PLEKHH2: variants seen among roughly 807,000 people sequenced by gnomAD.
The protein encoded by PLEKHH2 is pleckstrin homology, MyTH4 and FERM domain containing H2.
Under a neutral mutation model 187.9 loss-of-function variants are expected in PLEKHH2, and 129 were observed. That is an observed-to-expected ratio of 0.69 (90% confidence interval 0.59 to 0.79). The LOEUF (loss-of-function observed/expected upper bound fraction) is 0.79, where lower values mean the gene tolerates loss of function less well. PLEKHH2 is among the 30% of genes least tolerant of loss of function. The pLI, the probability that PLEKHH2 is intolerant of heterozygous loss-of-function variation, is 0.00. For synonymous variants in PLEKHH2, 686 were observed against 605.6 expected (o/e 1.13, Z -1.95); for missense variants, 2,076 against 1,751.2 (o/e 1.19, Z -3.31).
Position 43,726,398 on chromosome 2 carries a change from C to T in PLEKHH2, c.2668C>T (p.His890Tyr), listed in dbSNP as rs375282661. 1.4e-5 allele frequency: 23 copies of T among 1,611,536 alleles called. No individual in the cohort carries two copies. In the African/African-American group the frequency reaches 3.1e-4, roughly 22 times the overall value. ...ATCCACACATTATACTATCGTTATC[C>T]ATCCCAAAGACCAAGGTCCAACTTA... is the stretch of plus-strand genomic sequence containing the variant. The part of the protein sequence containing the change: ...LLSTHYTIVI[H>Y]PKDQGPTYLL... Residue 890 changes from histidine to tyrosine, a missense_variant, in exon 17 of 30, where the codon CAT becomes TAT. Coordinates refer to ENST00000282406, the MANE Select transcript of PLEKHH2 (RefSeq NM_172069.4).
intron 15 of PLEKHH2, among the ~76,000 whole-genome samples, chr2:43,713,099 A>AACACACAC (rs10524364): frequency 3.5e-4 from 52 of 150,720 alleles, no homozygotes; most frequent in South Asian, 6.3e-4. Context: ...ATATCAAATC[A>AACACACAC]ACACACACAC....
chr2:43,723,429 C>G (rs1165189097), intron 16 of PLEKHH2, among the ~76,000 whole-genome samples: 1 of 152,164 alleles, frequency 6.6e-6, no homozygotes, highest in Non-Finnish European at 1.5e-5. Flanking sequence ...GAAAATGTGA[C>G]AAGGCAAAGA....
chr2:43,700,705 T>G, intron 8 of PLEKHH2, 97 bp downstream of exon 8: 1 of 1,434,920 alleles, frequency 7.0e-7, no homozygotes, highest in East Asian at 2.3e-5. Context: ...CAAGCTGGAG[T>G]GCAGTGGCGC....
At chr2:43,712,425 G>C (rs770836723) in intron 15 of PLEKHH2, 42 bp downstream of exon 15, 2 of 1,582,760 alleles carry the variant, frequency 1.3e-6, no homozygotes, top group African/African-American at 1.4e-5. Context: ...GGCAGCTATG[G>C]GCATGAGCCC....
intron 2 of PLEKHH2, among the ~76,000 whole-genome samples, chr2:43,655,206 A>G (rs1206250281): frequency 6.6e-6 from 1 of 151,816 alleles, no homozygotes; most frequent in Non-Finnish European, 1.5e-5. Flanking sequence ...TAATAATAAT[A>G]ATAAAGGCCC....
chr2:43,761,934 AT>A (rs1355632278), intron 27 of PLEKHH2, among the ~76,000 whole-genome samples: 1 of 152,156 alleles, frequency 6.6e-6, no homozygotes, highest in African/African-American at 2.4e-5. Context: ...CTTCATTAGG[AT>A]TTTGGTCATC....
In PLEKHH2 at chr2:43,726,457, C is replaced by A; in HGVS notation, c.2721+6C>A. The A allele has an allele frequency of 6.3e-7, 1 of 1,590,152 alleles. No individual in the cohort carries two copies. The highest frequency in any genetic ancestry group is 1.1e-5 in the South Asian group (1 of 90,290). ...TTGGATCCAAGCATGAAAAGGTATT[C>A]AAAGACTTATTGGTTGATTTAGAAT... is the stretch of plus-strand genomic sequence containing the variant. On this transcript the variant is annotated splice_donor_region_variant and intron_variant, in intron 17 of 29. Transcript: ENST00000282406.
intron 7 of PLEKHH2, 77 bp from the exon 8 acceptor site, chr2:43,699,570 G>A: frequency 6.7e-7 from 1 of 1,496,338 alleles, no homozygotes; most frequent in Non-Finnish European, 9.0e-7. Context: ...TTTCTACAGT[G>A]TAGCTACATA....
chr2:43,735,213 T>A (rs1027466550), intron 19 of PLEKHH2, among the ~76,000 whole-genome samples: 5 of 151,994 alleles, frequency 3.3e-5, no homozygotes, highest in Non-Finnish European at 7.4e-5. Flanking sequence ...AAATGTAGTA[T>A]ATATACACAA....
intron 20 of PLEKHH2, 116 bp downstream of exon 20, chr2:43,738,636 A>T: frequency 1.0e-6 from 1 of 955,552 alleles, no homozygotes; most frequent in Non-Finnish European, 1.5e-6. Flanking sequence ...CAGAAGGAAA[A>T]ATAGGTATTA....
At chr2:43,680,368 TG>T (rs35370155) in intron 3 of PLEKHH2, 63,959 of 152,870 alleles carry the variant, frequency 0.42, 14,193 homozygotes, top group Non-Finnish European at 0.5. Flanking sequence ...TATACACACA[TG>T]GAAATATCCC....
chr2:43,640,295 TC>T (rs1204107575), intron 1 of PLEKHH2, among the ~76,000 whole-genome samples: 5 of 151,566 alleles, frequency 3.3e-5, no homozygotes, highest in Non-Finnish European at 7.4e-5. Flanking sequence ...GCTCAAGTGA[TC>T]CTCCCACACA....
Position 43,751,977 on chromosome 2 carries a change from T to A in PLEKHH2, c.3654-1642T>A, listed in dbSNP as rs115078913. On this transcript the variant is annotated intron_variant, in intron 24 of 29. Coordinates refer to ENST00000282406, the MANE Select transcript of PLEKHH2 (RefSeq NM_172069.4). ...CTTCCTTTTCCCCTGTCAGGCTCAA[T>A]TGTGTTGCCTGCTGGGAATAAGAGA... Among the ~76,000 whole-genome samples the A allele has an allele frequency of 2.9e-3, 438 of 151,362 alleles. 2 individuals are homozygous for A. Among genetic ancestry groups the A allele is most frequent in the African/African-American group, 0.01 (424 of 40,938 alleles).
chr2:43,694,334 C>G, intron 4 of PLEKHH2, 97 bp from the exon 5 acceptor site: 1 of 1,335,132 alleles, frequency 7.5e-7, no homozygotes, highest in South Asian at 1.5e-5. Context: ...AACTTGGAAT[C>G]AAGTTTTAAG....
intron 15 of PLEKHH2, among the ~76,000 whole-genome samples, chr2:43,716,077 G>A (rs1466239349): frequency 6.6e-6 from 1 of 152,096 alleles, no homozygotes; most frequent in African/African-American, 2.4e-5. Context: ...AATAAGTGAA[G>A]TATTTGAGTT....
chr2:43,675,252 T>C (rs919978569), intron 2 of PLEKHH2: 1 of 567,546 alleles, frequency 1.8e-6, no homozygotes, highest in African/African-American at 1.9e-5. Context: ...ATCTTCATAC[T>C]GTTTTCTAAT....
intron 2 of PLEKHH2, among the ~76,000 whole-genome samples, chr2:43,654,830 C>T (rs1210664855): frequency 6.6e-6 from 1 of 151,914 alleles, no homozygotes; most frequent in African/African-American, 2.4e-5. Flanking sequence ...AGTTCTAGAC[C>T]AGCCTGGACA....
At chr2:43,737,419 C>A (rs1046638599) in intron 19 of PLEKHH2, among the ~76,000 whole-genome samples, 1 of 152,180 alleles carries the variant, frequency 6.6e-6, no homozygotes, top group African/African-American at 2.4e-5. Context: ...TCTACTGTTA[C>A]ATTTAAAATT....
intron 16 of PLEKHH2, among the ~76,000 whole-genome samples, 177 bp downstream of exon 16, chr2:43,720,926 AG>A (rs1223956544): frequency 5.9e-5 from 9 of 152,194 alleles, no homozygotes; most frequent in Non-Finnish European, 1.3e-4. Flanking sequence ...TACACCTACA[AG>A]GGTCTTGATT....
Sources: allele counts gnomAD v4.1 joint callset (sites outside exome capture counted in the v4.1 genomes callset), GRCh38; gene constraint gnomAD v4.1.1; transcripts MANE v1.5; gene names NCBI Gene and HGNC (gene_info 2026-07-23, HGNC 2026-07-21).